The following FGD2 variants were observed in gnomAD, a reference collection of about 807,000 sequenced individuals.
FGD2 encodes the protein FYVE, RhoGEF and PH domain containing 2.
FGD2 carries 52 observed loss-of-function variants against 75.9 expected under a neutral mutation model. The ratio of observed to expected loss-of-function variants is 0.69; its 90% CI spans 0.55 to 0.86. The LOEUF is 0.86. Ranked by LOEUF, FGD2 falls within the 40% of genes least tolerant of loss-of-function variation. The pLI, the probability that FGD2 is intolerant of heterozygous loss-of-function variation, is 0.00. For missense variants in FGD2, 790 were observed against 872.0 expected (o/e 0.91, Z 1.18); for synonymous variants, 347 against 348.6 (o/e 1.00, Z 0.05).
rs386406733 is a variant in FGD2 at position 37,028,615 on chromosome 6, C to CTTTTTTTTTTTTTTTTTTTTTTTGTTTTT, written c.*469_*470insTTTTTTGTTTTTTTTTTTTTTTTTTTTTT. Reference sequence around the variant, plus strand: ...GGCTGAGTTGGGGGAGGCATGGGGTCTTTTTTTTTTTTTTTTTGAGACAGA... The same window carrying CTTTTTTTTTTTTTTTTTTTTTTTGTTTTT: ...GGCTGAGTTGGGGGAGGCATGGGGTCTTTTTTTTTTTTTTTTTTTTTTTGTTTTTTTTTTTTTTTTTTTTTTGAGACAGA... On this transcript the variant is annotated 3_prime_UTR_variant, in exon 16 of 16. Transcript: ENST00000274963. 1 of 79,024 alleles carries CTTTTTTTTTTTTTTTTTTTTTTTGTTTTT rather than the reference C, an allele frequency of 1.3e-5. No homozygotes were observed. The highest frequency in any genetic ancestry group is 5.5e-5 in the African/African-American group (1 of 18,142). The allele number at this position is 79,024 out of a possible 1,614,324, so 4.9% of individuals were successfully genotyped here.
At position 37,021,379 on chromosome 6, in the gene FGD2, T is replaced by C. The variant is rs542159685; in HGVS notation, c.1234-133T>C. On this transcript the variant is annotated intron_variant, in intron 11 of 15. Coordinates refer to ENST00000274963, the MANE Select transcript of FGD2 (RefSeq NM_173558.4). Reference sequence around the variant, plus strand: ...TTCTCCTCCGATAAGGCAGCCCGCGTGTGTGTAGAATCCAGCGCCTGGTAC... The same window carrying C: ...TTCTCCTCCGATAAGGCAGCCCGCGCGTGTGTAGAATCCAGCGCCTGGTAC... The C allele has an allele frequency of 2.8e-4, 198 of 709,016 alleles. 1 individual carries two copies. In the African/African-American group the frequency reaches 3.3e-3, roughly 12 times the overall value. 43.9% of individuals were successfully genotyped at this position (709,016 alleles called of 1,614,324 possible).
chr6:37,021,738 A>C, intron 12 of FGD2, 134 bp downstream of exon 12: 1 of 799,118 alleles, frequency 1.3e-6, no homozygotes, highest in South Asian at 1.8e-5. Flanking sequence ...GACCAGGGGA[A>C]GCCTTCCCAG....
chr6:37,015,135 A>AG lies in FGD2; in HGVS notation c.1029+102dup. 7.6e-6 allele frequency: 11 copies of AG among 1,441,650 alleles called. No individual in the cohort carries two copies. In the South Asian group the frequency reaches 1.5e-4, roughly 20 times the overall value. The allele number at this position is 1,441,650 out of a possible 1,614,324, so 89.3% of individuals were successfully genotyped here. On this transcript the variant is annotated intron_variant, in intron 8 of 15. Transcript: ENST00000274963. ...CTGCCTGGCCTCTACCTGGCACTGCAGGGGGACAGGGAAGAGAACGCTTCT... is the reference window on the plus strand; with the variant it reads ...CTGCCTGGCCTCTACCTGGCACTGCAGGGGGGACAGGGAAGAGAACGCTTCT...
chr6:37,025,531 G>A (rs1225519295), intron 13 of FGD2: 3 of 501,184 alleles, frequency 6.0e-6, no homozygotes, highest in South Asian at 2.5e-5. Flanking sequence ...GAGAAGTTAC[G>A]GCCCTCGCGG....
chr6:37,015,635 G>A, intron 8 of FGD2, 133 bp from the exon 9 acceptor site: 3 of 770,808 alleles, frequency 3.9e-6, no homozygotes, highest in African/African-American at 1.7e-5. Flanking sequence ...CTGTGAGCAG[G>A]CTGGCCAGAG....
chr6:37,026,011 C>G, intron 14 of FGD2, 73 bp downstream of exon 14: 1 of 1,571,654 alleles, frequency 6.4e-7, no homozygotes, highest in Non-Finnish European at 8.6e-7. Flanking sequence ...CCATGCTGGG[C>G]TGACACTGTC....
At chr6:37,011,589 C>G in intron 3 of FGD2, 117 bp from the exon 4 acceptor site, 1 of 1,394,318 alleles carries the variant, frequency 7.2e-7, no homozygotes, top group Non-Finnish European at 1.0e-6. Flanking sequence ...TGTGAGGATG[C>G]CGGGAGATCA....
At chr6:37,015,690 G>A (rs1392399391) in intron 8 of FGD2, 78 bp from the exon 9 acceptor site, 18 of 1,361,420 alleles carry the variant, frequency 1.3e-5, no homozygotes, top group Admixed American at 9.9e-5. Flanking sequence ...GCCCATGCTC[G>A]GCCCACCCTC....
rs567847394 is a variant in FGD2, at chr6:37,018,589, A to G, written c.1123-1952A>G. 4.6e-5 allele frequency among the ~76,000 whole-genome samples: 7 copies of G among 152,298 alleles called. No individual in the cohort carries two copies. The East Asian group carries it at 1.4e-3, about 29-fold the overall frequency. On this transcript the variant is annotated intron_variant, in intron 9 of 15. Coordinates refer to ENST00000274963, the MANE Select transcript of FGD2 (RefSeq NM_173558.4). ...GTATTTTGCCATCCCCCACAGGGCC[A>G]GCCTGGGAAGAAGGAAGGGGTGTGG...
rs528219705 is a variant in FGD2, at chr6:37,022,464, G to A, written c.1458+94G>A. On this transcript the variant is annotated intron_variant, in intron 13 of 15. Coordinates refer to ENST00000274963, the MANE Select transcript of FGD2 (RefSeq NM_173558.4). ...CTCCACCTTTCCTACCTAGGCCTCC[G>A]CTTGATCCACCTAGGCCTCCACCTG... The A allele has an allele frequency of 2.4e-5, 34 of 1,443,608 alleles. No individual in the cohort carries two copies. In the South Asian group the frequency reaches 3.4e-4, roughly 14 times the overall value. The allele number at this position is 1,443,608 out of a possible 1,614,324, so 89.4% of individuals were successfully genotyped here. A position where few individuals can be genotyped will look rare whatever the true frequency, so the allele number is the denominator to read the frequency against.
At chr6:37,006,620 G>GTGTGTGTA (rs902166107) in intron 1 of FGD2, among the ~76,000 whole-genome samples, 2 of 152,110 alleles carry the variant, frequency 1.3e-5, no homozygotes, top group African/African-American at 4.8e-5. Context: ...GTGTGTGCGC[G>GTGTGTGTA]TGTGTGTATG....
At chr6:37,027,407 C>T (rs374792708) in intron 14 of FGD2, 22 bp from the exon 15 acceptor site, 2 of 1,591,990 alleles carry the variant, frequency 1.3e-6, no homozygotes, top group Non-Finnish European at 1.7e-6. Flanking sequence ...TGCTCCCTGA[C>T]AGTCCCTCCT....
intron 2 of FGD2, 86 bp downstream of exon 2, chr6:37,009,151 AG>A: frequency 7.6e-7 from 1 of 1,320,222 alleles, no homozygotes; most frequent in Non-Finnish European, 1.0e-6. Context: ...TCCTAGCCAG[AG>A]CCAGCAGTTC....
intron 5 of FGD2, 75 bp downstream of exon 5, chr6:37,013,840 C>T (rs1023516227): frequency 1.1e-5 from 18 of 1,591,810 alleles, no homozygotes; most frequent in East Asian, 9.0e-5. Flanking sequence ...TGAGTGATTC[C>T]GGGCATCTCC....
chr6:37,026,845 CAA>C (rs796239980), intron 14 of FGD2, among the ~76,000 whole-genome samples: 1 of 138,032 alleles, frequency 7.2e-6, no homozygotes. Flanking sequence ...ACTAAAAATA[CAA>C]AAAAAAAAAA....
At chr6:37,015,288 C>T (rs935671967) in intron 8 of FGD2, among the ~76,000 whole-genome samples, 2 of 152,176 alleles carry the variant, frequency 1.3e-5, no homozygotes, top group African/African-American at 4.8e-5. Context: ...GAGTTTGAAC[C>T]CAGTCTGACT....
intron 4 of FGD2, chr6:37,012,152 C>A (rs1446287216): frequency 9.6e-6 from 3 of 311,996 alleles, no homozygotes; most frequent in African/African-American, 2.2e-5. Flanking sequence ...TTCCTACACG[C>A]CTGGCCTTGG....
chr6:37,026,736 A>C (rs1765838303), intron 14 of FGD2, among the ~76,000 whole-genome samples: 1 of 152,130 alleles, frequency 6.6e-6, no homozygotes, highest in African/African-American at 2.4e-5. Context: ...GGGAAGGCTC[A>C]TGCCTGTAAT....
intron 13 of FGD2, chr6:37,025,336 G>A (rs1765765524): frequency 5.8e-6 from 1 of 171,490 alleles, no homozygotes; most frequent in African/African-American, 2.4e-5. Context: ...CCAGGTAACA[G>A]TGTGGCTCTC....
Sources: gnomAD v4.1 joint callset for allele counts (sites outside exome capture counted in the v4.1 genomes callset) on GRCh38, gnomAD v4.1.1 for gene constraint, MANE v1.5 for transcripts, NCBI Gene and HGNC (gene_info 2026-07-23, HGNC 2026-07-21) for gene names.